The following QRICH1 variants were observed in gnomAD, a reference collection of about 807,000 sequenced individuals.
QRICH1 encodes the protein glutamine rich 1, also known as transcriptional regulator QRICH1.
QRICH1 carries 16 observed loss-of-function variants against 87.1 expected under a neutral mutation model. That is an observed-to-expected ratio of 0.18 (90% CI 0.12 to 0.28). The LOEUF (loss-of-function observed/expected upper bound fraction) is 0.28, where lower values mean the gene tolerates loss of function less well. Ranked by LOEUF, QRICH1 falls within the 10% of genes least tolerant of loss-of-function variation. The pLI, the probability that QRICH1 is intolerant of heterozygous loss-of-function variation, is 1.00. For synonymous variants in QRICH1, 367 were observed against 368.4 expected (o/e 1.00, Z 0.05); for missense variants, 647 against 951.7 (o/e 0.68, Z 4.21).
chr3:49,050,763 G>C (rs931525268), intron 3 of QRICH1, among the ~76,000 whole-genome samples: 12 of 152,006 alleles, frequency 7.9e-5, no homozygotes, highest in African/African-American at 2.7e-4. Flanking sequence ...ACAGTTCCAT[G>C]AACTGCCAAC....
At chr3:49,063,453 C>T (rs771134466) in intron 2 of QRICH1, among the ~76,000 whole-genome samples, 4 of 152,146 alleles carry the variant, frequency 2.6e-5, no homozygotes, top group South Asian at 2.1e-4. Flanking sequence ...AACTATGTAG[C>T]CAATTACTGC....
In QRICH1 at chr3:49,030,559, C is replaced by G; in HGVS notation, c.2224G>C (p.Val742Leu). Residue 742 changes from valine to leucine, a missense_variant, in exon 10 of 10, where the codon GTC becomes CTC. Val to Leu is a conservative substitution (Grantham distance 32). Transcript: ENST00000395443. ...VAPNSPIWYS[V>L]QPISREQMGQ... ...ATCTGCTCTCTGCTGATAGGCTGGA[C>G]TGAGTACCAGATTGGGCTGTTGGGG... 6.2e-7 allele frequency: 1 copy of G among 1,613,934 alleles called. No individual in the cohort carries two copies.
In QRICH1 at chr3:49,030,105, C is replaced by A. The variant is rs2093225347; in HGVS notation, c.*347G>T. 5.3e-6 allele frequency: 2 copies of A among 378,676 alleles called. No homozygotes were observed. The highest frequency in any genetic ancestry group is 8.4e-5 in the Admixed American group (2 of 23,908). 23.5% of individuals were successfully genotyped at this position (378,676 alleles called of 1,614,324 possible). A position where few individuals can be genotyped will look rare whatever the true frequency, so the allele number is the denominator to read the frequency against. On this transcript the variant is annotated 3_prime_UTR_variant, in exon 10 of 10. Coordinates refer to ENST00000395443, the MANE Select transcript of QRICH1 (RefSeq NM_198880.3). ...GGGGAGATTCCCTCCAGGGTCCATCCATCATTAATTCCATCTCTCTTGAAG... is the reference window on the plus strand; with the variant it reads ...GGGGAGATTCCCTCCAGGGTCCATCAATCATTAATTCCATCTCTCTTGAAG...
intron 1 of QRICH1, among the ~76,000 whole-genome samples, chr3:49,085,456 C>G (rs2042150874): frequency 6.6e-6 from 1 of 151,984 alleles, no homozygotes; most frequent in South Asian, 2.1e-4. Context: ...CTTTCAAAAT[C>G]TGAAAGAAAC....
chr3:49,059,298 T>G (rs1248288858), intron 2 of QRICH1, among the ~76,000 whole-genome samples: 1 of 151,738 alleles, frequency 6.6e-6, no homozygotes, highest in Non-Finnish European at 1.5e-5. Flanking sequence ...CTTGCTCTGT[T>G]GCCCAGGTTA....
chr3:49,030,694 C>T (rs1442899619), intron 9 of QRICH1, 50 bp from the exon 10 acceptor site: 7 of 1,440,712 alleles, frequency 4.9e-6, no homozygotes, highest in South Asian at 2.7e-5. Context: ...AACTTCAACC[C>T]TCCCACCCTG....
chr3:49,030,629 T>C lies in QRICH1; in HGVS notation c.2154A>G (p.Lys718=), dbSNP rs2093230519. Residue 718 remains lysine, a synonymous_variant, in exon 10 of 10, where the codon AAA becomes AAG. Transcript: ENST00000395443. ...FYLFKCPQSV[K]GRNDTFYLTP... ...TCAGGTAAAAGGTGTCATTCCGGCC[T>C]TTCACACTCTGGGGGCTGAAGAATA... is the stretch of plus-strand genomic sequence containing the variant. 6.3e-7 allele frequency: 1 copy of C among 1,581,838 alleles called. No individual in the cohort carries two copies. Among genetic ancestry groups the C allele is most frequent in the East Asian group, 2.3e-5 (1 of 43,104 alleles).
At chr3:49,092,295 T>C (rs1441712692) in intron 1 of QRICH1, 1 of 152,042 alleles carries the variant, frequency 6.6e-6, no homozygotes, top group African/African-American at 2.4e-5. Context: ...TAATAGTTTC[T>C]GGAAGACAGC....
chr3:49,093,300 G>GC (rs2042314486), intron 1 of QRICH1: 1 of 152,072 alleles, frequency 6.6e-6, no homozygotes, highest in Non-Finnish European at 1.5e-5. Context: ...GGGCAATCTC[G>GC]CCCCCCTCAC....
chr3:49,069,102 TTATTA>T (rs1386284524), intron 2 of QRICH1, among the ~76,000 whole-genome samples: 13 of 74,894 alleles, frequency 1.7e-4, no homozygotes, highest in South Asian at 6.1e-4. Context: ...ATTATTATTA[TTATTA>T]TTTTTTTTTT....
At chr3:49,078,195 G>A (rs1394235221) in intron 1 of QRICH1, among the ~76,000 whole-genome samples, 1 of 152,088 alleles carries the variant, frequency 6.6e-6, no homozygotes, top group Non-Finnish European at 1.5e-5. Flanking sequence ...ACACTAGACT[G>A]ACCAGATGCT....
chr3:49,069,426 A>G (rs1050250076), intron 2 of QRICH1, among the ~76,000 whole-genome samples: 1 of 152,032 alleles, frequency 6.6e-6, no homozygotes, highest in African/African-American at 2.4e-5. Context: ...ACAGAAAAAA[A>G]GGACGTTTCC....
intron 1 of QRICH1, among the ~76,000 whole-genome samples, chr3:49,090,904 T>C (rs533658288): frequency 1.3e-5 from 2 of 152,128 alleles, no homozygotes; most frequent in Admixed American, 6.5e-5. Flanking sequence ...TGGAACAAAA[T>C]GCAGTACAAC....
chr3:49,083,889 C>A (rs1358920363), intron 1 of QRICH1, among the ~76,000 whole-genome samples: 1 of 151,366 alleles, frequency 6.6e-6, no homozygotes, highest in East Asian at 2.0e-4. Context: ...AACCTCCGTG[C>A]CCCCCAGGTT....
chr3:49,043,222 C>T (rs535071726), intron 6 of QRICH1, among the ~76,000 whole-genome samples: 8 of 152,034 alleles, frequency 5.3e-5, no homozygotes, highest in East Asian at 1.9e-4. Context: ...ATTGGCTGGC[C>T]GTGGTGGCTC....
At position 49,030,191 on chromosome 3, in the gene QRICH1, A is replaced by G; in HGVS notation, c.*261T>C. ...CCCTTTCCCCAGGCCCCAGACAAAAAAGAGTCAGCCAGCAACTTTCTAGGA... is the reference window on the plus strand; with the variant it reads ...CCCTTTCCCCAGGCCCCAGACAAAAGAGAGTCAGCCAGCAACTTTCTAGGA... On this transcript the variant is annotated 3_prime_UTR_variant, in exon 10 of 10. Coordinates refer to ENST00000395443, the MANE Select transcript of QRICH1 (RefSeq NM_198880.3). 2.0e-6 allele frequency: 1 copy of G among 509,050 alleles called. No homozygotes were observed. Among genetic ancestry groups the G allele is most frequent in the Non-Finnish European group, 3.4e-6 (1 of 290,990 alleles). 31.5% of individuals were successfully genotyped at this position (509,050 alleles called of 1,614,324 possible). A position where few individuals can be genotyped will look rare whatever the true frequency, so the allele number is the denominator to read the frequency against.
intron 1 of QRICH1, among the ~76,000 whole-genome samples, chr3:49,082,636 C>T (rs1304073512): frequency 1.3e-5 from 2 of 152,056 alleles, no homozygotes; most frequent in African/African-American, 4.8e-5. Context: ...TGGCTCACGC[C>T]TGTAATCCCA....
At chr3:49,038,205 C>A (rs1383493343) in intron 6 of QRICH1, among the ~76,000 whole-genome samples, 2 of 151,518 alleles carry the variant, frequency 1.3e-5, no homozygotes, top group African/African-American at 4.8e-5. Context: ...GGACTACAGG[C>A]ACTCACCACC....
At chr3:49,064,757 T>A (rs2093457299) in intron 2 of QRICH1, among the ~76,000 whole-genome samples, 1 of 152,090 alleles carries the variant, frequency 6.6e-6, no homozygotes, top group South Asian at 2.1e-4. Context: ...GGCTCATGCG[T>A]ATAATCTCAG....
Sources: allele counts gnomAD v4.1 joint callset (sites outside exome capture counted in the v4.1 genomes callset), GRCh38; gene constraint gnomAD v4.1.1; transcripts MANE v1.5; gene names NCBI Gene and HGNC (gene_info 2026-07-23, HGNC 2026-07-21).